The following STK32C variants were observed in gnomAD, a reference collection of about 807,000 sequenced individuals.
STK32C encodes serine/threonine kinase 32C.
A neutral mutation model predicts 56.5 loss-of-function variants in STK32C; 31 were observed. That is an observed-to-expected ratio of 0.55 (90% confidence interval 0.41 to 0.74). The LOEUF (loss-of-function observed/expected upper bound fraction) is 0.74. Among genes scored for constraint, STK32C ranks in the 30% least tolerant of loss-of-function variants. The pLI, the probability that STK32C is intolerant of heterozygous loss-of-function variation, is 0.00. For synonymous variants in STK32C, 309 were observed against 289.4 expected, an observed-to-expected ratio of 1.07 and a Z score of -0.69; for missense variants, 544 against 676.9, an observed-to-expected ratio of 0.80 and a Z score of 2.18.
intron 4 of STK32C, among the ~76,000 whole-genome samples, chr10:132,226,378 C>T (rs753911191): frequency 5.3e-5 from 8 of 152,256 alleles, no homozygotes; most frequent in Non-Finnish European, 8.8e-5. Context: ...TTTTCAGAGC[C>T]ATCACACCAG....
intron 2 of STK32C, among the ~76,000 whole-genome samples, chr10:132,239,811 G>GGGTTC (rs2063437680): frequency 4.6e-5 from 7 of 152,330 alleles, no homozygotes; most frequent in African/African-American, 1.4e-4. Context: ...CGGCACATAG[G>GGGTTC]CCCGGGTTCC....
intron 2 of STK32C, among the ~76,000 whole-genome samples, chr10:132,233,789 G>A (rs2379235): frequency 0.72 from 108,847 of 152,166 alleles, 39,221 homozygotes; most frequent in Admixed American, 0.78. Flanking sequence ...GCCCACACGC[G>A]CTCCCGCCTA....
intron 2 of STK32C, among the ~76,000 whole-genome samples, chr10:132,229,107 A>G (rs1466917911): frequency 2.0e-5 from 3 of 152,240 alleles, no homozygotes; most frequent in African/African-American, 7.2e-5. Context: ...GAGGATGAAG[A>G]TCCCCAAAGG....
chr10:132,331,656 C>G (rs777171006), exon 1 of STK32C: 1 of 1,612,874 alleles, frequency 6.2e-7, no homozygotes, highest in South Asian at 1.1e-5. Context: ...GGTGCCTCAG[C>G]AGCAATTCTT....
At chr10:132,266,240 G>A (rs2064520041) in intron 1 of STK32C, among the ~76,000 whole-genome samples, 2 of 152,192 alleles carry the variant, frequency 1.3e-5, no homozygotes, top group Admixed American at 6.5e-5. Flanking sequence ...ACAAGAGCGC[G>A]TCGTGCGATT....
chr10:132,328,704 ATC>A (rs771063925), intron 1 of STK32C, among the ~76,000 whole-genome samples: 15 of 152,268 alleles, frequency 9.9e-5, no homozygotes, highest in Non-Finnish European at 2.1e-4. Context: ...GTTAGGTCTG[ATC>A]TCTTTCACTG....
intron 5 of STK32C, 51 bp from the exon 6 acceptor site, chr10:132,225,667 T>C (rs368143296): frequency 1.2e-6 from 2 of 1,609,314 alleles, no homozygotes; most frequent in Admixed American, 3.3e-5. Context: ...AGATGCATCC[T>C]TGCGTGCAGG....
At chr10:132,212,777 C>G (rs1416120777) in intron 10 of STK32C, among the ~76,000 whole-genome samples, 2 of 152,260 alleles carry the variant, frequency 1.3e-5, no homozygotes, top group African/African-American at 4.8e-5. Context: ...AGGCCTCACT[C>G]CCATCCCTGC....
At chr10:132,271,676 G>T (rs1278242346) in intron 1 of STK32C, among the ~76,000 whole-genome samples, 2 of 152,224 alleles carry the variant, frequency 1.3e-5, no homozygotes, top group African/African-American at 2.4e-5. Context: ...AACCACGGTG[G>T]TGTTTCCCTA....
At chr10:132,250,533 G>A (rs112115752) in intron 1 of STK32C, among the ~76,000 whole-genome samples, 35 of 110,838 alleles carry the variant, frequency 3.2e-4, no homozygotes, top group South Asian at 7.3e-4. Flanking sequence ...TGAGGCGCAC[G>A]GGACAGGTCA....
At chr10:132,251,079 C>T (rs1053802251) in intron 1 of STK32C, among the ~76,000 whole-genome samples, 3 of 152,176 alleles carry the variant, frequency 2.0e-5, no homozygotes, top group Non-Finnish European at 4.4e-5. Flanking sequence ...CCCCAAGGAG[C>T]CCTGAGCCCC....
At chr10:132,330,667 C>A (rs2066654562) in intron 1 of STK32C, among the ~76,000 whole-genome samples, 1 of 135,086 alleles carries the variant, frequency 7.4e-6, no homozygotes. Flanking sequence ...GCCACCACAC[C>A]CAGCATTTTT....
chr10:132,228,993 A>C (rs1287073360), intron 2 of STK32C, among the ~76,000 whole-genome samples: 1 of 152,206 alleles, frequency 6.6e-6, no homozygotes, highest in East Asian at 1.9e-4. Context: ...TGATGCCGCA[A>C]ACACACGGCT....
upstream of STK32C, among the ~76,000 whole-genome samples, chr10:132,310,941 C>T (rs771923455): frequency 7.9e-5 from 12 of 152,086 alleles, no homozygotes; most frequent in South Asian, 2.1e-4. This position sits in a 1 kb window ranked among gnomAD's most constrained non-coding sequence, Gnocchi z 4.6. Context: ...AGGTAGAAAC[C>T]GGCTTGTGCG....
intron 2 of STK32C, among the ~76,000 whole-genome samples, chr10:132,242,199 C>G (rs750855380): frequency 6.6e-6 from 1 of 151,802 alleles, no homozygotes; most frequent in African/African-American, 2.4e-5. Flanking sequence ...TGGGTGCAGA[C>G]GGCCTTCAAG....
At chr10:132,330,491 T>G (rs889097354) in intron 1 of STK32C, 6 of 716,932 alleles carry the variant, frequency 8.4e-6, no homozygotes, top group Non-Finnish European at 1.6e-5. Context: ...GCTTCCTGAT[T>G]GGTAGATAGT....
chr10:132,238,583 G>T lies in STK32C; in HGVS notation c.318+7317C>A, dbSNP rs373109661. On this transcript the variant is annotated intron_variant, in intron 2 of 11. Coordinates refer to ENST00000298630, the MANE Select transcript of STK32C (RefSeq NM_173575.4). ...GTCAGGTCCTGAGGTGATTCATGCAGGGGATGTGGGCTCAAGCCTGGGAAA... is the reference window on the plus strand; with the variant it reads ...GTCAGGTCCTGAGGTGATTCATGCATGGGATGTGGGCTCAAGCCTGGGAAA... Among the ~76,000 whole-genome samples, 3 of 152,292 alleles carry T rather than the reference G, an allele frequency of 2.0e-5. No individual in the cohort carries two copies. The South Asian group carries it at 6.2e-4, about 32-fold the overall frequency.
upstream of STK32C, chr10:132,332,148 C>T (rs991218838): frequency 5.8e-6 from 1 of 171,124 alleles, no homozygotes; most frequent in Non-Finnish European, 1.2e-5. Context: ...CTGCGGGATT[C>T]CGTACCGGCG....
chr10:132,239,541 G>T (rs2063426472), intron 2 of STK32C, among the ~76,000 whole-genome samples: 1 of 152,240 alleles, frequency 6.6e-6, no homozygotes, highest in Non-Finnish European at 1.5e-5. Context: ...GGCCGCCGCA[G>T]AGGGCTCCTG....
Sources: gnomAD v4.1 joint callset for allele counts (sites outside exome capture counted in the v4.1 genomes callset) on GRCh38, gnomAD v4.1.1 for gene constraint, Gnocchi (gnomAD v3.1) non-coding constraint, MANE v1.5 for transcripts, NCBI Gene and HGNC (gene_info 2026-07-23, HGNC 2026-07-21) for gene names.